Variants in DAW1 observed in about 807,000 individuals in gnomAD.
DAW1 encodes dynein assembly factor with WD repeat domains 1.
DAW1 carries 47 observed loss-of-function variants against 56.5 expected under a neutral mutation model. The ratio of observed to expected loss-of-function variants is 0.83; its 90% CI spans 0.66 to 1.06. The LOEUF (loss-of-function observed/expected upper bound fraction) is 1.06. Ranked by LOEUF, DAW1 falls within the 50% of genes least tolerant of loss-of-function variation. DAW1 has a pLI of 0.00. For synonymous variants in DAW1, 190 were observed against 179.0 expected (o/e 1.06, Z -0.49); for missense variants, 505 against 499.3 (o/e 1.01, Z -0.11).
intron 12 of DAW1, 48 bp from the exon 13 acceptor site, chr2:227,923,886 G>A: frequency 1.2e-6 from 2 of 1,604,274 alleles, no homozygotes; most frequent in Non-Finnish European, 1.7e-6. Context: ...AGAGAATGAG[G>A]TGAATGAAAT....
intron 10 of DAW1, among the ~76,000 whole-genome samples, chr2:227,910,998 T>C (rs1331501895): frequency 6.6e-6 from 1 of 152,038 alleles, no homozygotes; most frequent in African/African-American, 2.4e-5. Flanking sequence ...GTCATCTCCC[T>C]GATAACATAT....
At chr2:227,890,053 T>C in intron 3 of DAW1, 53 bp downstream of exon 3, 1 of 1,437,946 alleles carries the variant, frequency 7.0e-7, no homozygotes, top group Non-Finnish European at 9.2e-7. Context: ...ATGATTGATA[T>C]TTTATTAATT....
intron 10 of DAW1, among the ~76,000 whole-genome samples, chr2:227,916,870 C>G (rs888602698): frequency 6.6e-5 from 10 of 151,758 alleles, no homozygotes; most frequent in Admixed American, 5.3e-4. Flanking sequence ...TGTGTAGATA[C>G]TACTATACAT....
intron 1 of DAW1, among the ~76,000 whole-genome samples, chr2:227,875,664 C>T (rs1194424702): frequency 1.3e-5 from 2 of 152,196 alleles, no homozygotes; most frequent in Non-Finnish European, 2.9e-5. Context: ...TATCTCCTTT[C>T]TGAGCATTTC....
chr2:227,875,692 A>G (rs1285231778), intron 1 of DAW1, among the ~76,000 whole-genome samples: 1 of 152,088 alleles, frequency 6.6e-6, no homozygotes, highest in Non-Finnish European at 1.5e-5. Flanking sequence ...TTCCCATGAT[A>G]TTTCACAGCC....
chr2:227,908,363 C>G lies in DAW1; in HGVS notation c.973+1111C>G, dbSNP rs190326319. ...TGCTGACAAATATGTATGATACTAACACTCTGTCCACGTCATCTCGTTGAA... is the reference window on the plus strand; with the variant it reads ...TGCTGACAAATATGTATGATACTAAGACTCTGTCCACGTCATCTCGTTGAA... On this transcript the variant is annotated intron_variant, in intron 10 of 12. Coordinates refer to ENST00000309931, the MANE Select transcript of DAW1 (RefSeq NM_178821.3). Among the ~76,000 whole-genome samples, 87 of 152,242 alleles carry G rather than the reference C, an allele frequency of 5.7e-4. No individual in the cohort carries two copies. The East Asian group carries it at 0.016, about 27-fold the overall frequency.
intron 1 of DAW1, among the ~76,000 whole-genome samples, chr2:227,874,153 A>G (rs1157830377): frequency 6.6e-6 from 1 of 152,114 alleles, no homozygotes; most frequent in Non-Finnish European, 1.5e-5. Flanking sequence ...TCTTGCTTTC[A>G]TCTCTTTGTT....
At chr2:227,877,210 G>T (rs560215871) in intron 1 of DAW1, among the ~76,000 whole-genome samples, 2 of 152,288 alleles carry the variant, frequency 1.3e-5, no homozygotes, top group Admixed American at 6.5e-5. Context: ...ACATAGTTTT[G>T]CTCTGTCAGC....
chr2:227,907,976 A>C (rs893455859), intron 10 of DAW1, among the ~76,000 whole-genome samples: 12 of 152,238 alleles, frequency 7.9e-5, no homozygotes, highest in African/African-American at 2.9e-4. Flanking sequence ...CTTTGTGATA[A>C]GCATACATGA....
intron 10 of DAW1, among the ~76,000 whole-genome samples, chr2:227,914,916 A>G (rs1000866592): frequency 1.6e-4 from 25 of 152,108 alleles, no homozygotes; most frequent in African/African-American, 5.6e-4. Flanking sequence ...CATGACAACT[A>G]CATGTCATGC....
At chr2:227,922,082 G>C (rs1692123440) in intron 12 of DAW1, among the ~76,000 whole-genome samples, 1 of 152,230 alleles carries the variant, frequency 6.6e-6, no homozygotes, top group South Asian at 2.1e-4. Context: ...GAGCCAAGGA[G>C]TTGGAGGCTT....
Position 227,906,316 on chromosome 2 carries a change from G to A in DAW1, c.836G>A (p.Gly279Asp), listed in dbSNP as rs138331799. ...FNWDCSLILT[G>D]SMDKTCKLWD... ...TGGGATTGCTCTCTAATATTAACTG[G>A]CTCTATGGACAAAACCTGCAAGGTG... The change falls in exon 9 of 13, where the codon GGC (glycine) becomes GAC (aspartate). Residue 279 changes from glycine to aspartate, a missense_variant. Transcript: ENST00000309931. 1.5e-5 allele frequency: 24 copies of A among 1,610,930 alleles called. No individual in the cohort carries two copies. The highest frequency in any genetic ancestry group is 2.0e-5 in the Non-Finnish European group (23 of 1,178,036).
intron 10 of DAW1, among the ~76,000 whole-genome samples, chr2:227,907,936 A>G (rs1429647816): frequency 1.3e-5 from 2 of 152,234 alleles, no homozygotes; most frequent in East Asian, 3.9e-4. Context: ...TACTATAACC[A>G]CATGTGCTGT....
chr2:227,923,401 G>T (rs1359110121), intron 12 of DAW1, among the ~76,000 whole-genome samples: 1 of 152,094 alleles, frequency 6.6e-6, no homozygotes, highest in Non-Finnish European at 1.5e-5. Context: ...GTTTTTATAG[G>T]CTTTCCTAAT....
chr2:227,903,177 A>C (rs948382343), intron 7 of DAW1, 68 bp downstream of exon 7: 1 of 1,527,088 alleles, frequency 6.5e-7, no homozygotes. Flanking sequence ...TTACAAAATG[A>C]GCTCTAAGTT....
At chr2:227,909,606 A>T (rs891293371) in intron 10 of DAW1, among the ~76,000 whole-genome samples, 1 of 152,110 alleles carries the variant, frequency 6.6e-6, no homozygotes, top group Admixed American at 6.6e-5. Flanking sequence ...GAAAACCTAA[A>T]AACTTGGGGG....
chr2:227,910,988 G>A (rs1691800423), intron 10 of DAW1, among the ~76,000 whole-genome samples: 1 of 151,800 alleles, frequency 6.6e-6, no homozygotes. Context: ...TATGCTATGT[G>A]TCATCTCCCT....
Position 227,903,100 on chromosome 2 carries a change from C to T in DAW1, c.639C>T (p.Tyr213=). Residue 213 remains tyrosine (Y), a synonymous_variant, in exon 7 of 13, where the codon TAC becomes TAT. Coordinates refer to ENST00000309931, the MANE Select transcript of DAW1 (RefSeq NM_178821.3). The part of the protein sequence containing the change: ...LWDIQNGEEV[Y]TLRGHSAEII... Reference sequence around the variant, plus strand: ...ACATTCAGAATGGCGAGGAAGTTTACACCTTAAGAGTATGTCAATAATGTT... The same window carrying T: ...ACATTCAGAATGGCGAGGAAGTTTATACCTTAAGAGTATGTCAATAATGTT... The T allele has an allele frequency of 1.9e-6, 3 of 1,613,972 alleles. No homozygotes were observed. The highest frequency in any genetic ancestry group is 1.3e-5 in the African/African-American group (1 of 75,020).
chr2:227,890,590 A>G (rs1171043063), intron 3 of DAW1, among the ~76,000 whole-genome samples: 2 of 152,202 alleles, frequency 1.3e-5, no homozygotes, highest in African/African-American at 4.8e-5. Flanking sequence ...TGATAGTAAC[A>G]TATAATTATT....
Sources: gnomAD v4.1 joint callset for allele counts (sites outside exome capture counted in the v4.1 genomes callset) on GRCh38, gnomAD v4.1.1 for gene constraint, MANE v1.5 for transcripts, NCBI Gene and HGNC (gene_info 2026-07-23, HGNC 2026-07-21) for gene names.